The following ILRUN variants were observed in gnomAD, a reference collection of about 807,000 sequenced individuals.
ILRUN encodes protein ILRUN.
ILRUN carries 3 observed loss-of-function variants against 33.8 expected under a neutral mutation model. That is an observed-to-expected ratio of 0.09 (90% confidence interval 0.04 to 0.23). The LOEUF is 0.23. ILRUN is among the 10% of genes least tolerant of loss of function. The probability of loss-of-function intolerance (pLI) is 1.00; values close to 1 mark genes in which losing one functional copy is unlikely to be tolerated. For missense variants in ILRUN, 210 were observed against 375.1 expected (o/e 0.56, Z 3.64); for synonymous variants, 124 against 138.9 (o/e 0.89, Z 0.75).
rs145294670 is a variant in ILRUN, at chr6:34,654,784, AG to A, written c.159-6del. 169,634 of 1,610,810 alleles carry A rather than the reference AG, an allele frequency of 0.11. 10,196 individuals are homozygous for A. Among genetic ancestry groups the A allele is most frequent in the Non-Finnish European group, 0.12 (137,534 of 1,178,792 alleles). ...CCAATTGCTGCTTGTAGGTTCCTAT[AG>A]AAAAAGAGAAAAGGCAACAGACTTC... On this transcript the variant is annotated splice_polypyrimidine_tract_variant and splice_region_variant and intron_variant, in intron 1 of 4. Coordinates refer to ENST00000374023, the MANE Select transcript of ILRUN (RefSeq NM_024294.4).
At chr6:34,625,373 A>T (rs982257729) in intron 3 of ILRUN, among the ~76,000 whole-genome samples, 3 of 152,166 alleles carry the variant, frequency 2.0e-5, no homozygotes, top group African/African-American at 7.2e-5. Context: ...AGGTCTATCA[A>T]CATCTCTCAT....
intron 3 of ILRUN, among the ~76,000 whole-genome samples, chr6:34,621,388 T>C (rs1762009596): frequency 6.6e-6 from 1 of 152,174 alleles, no homozygotes; most frequent in Admixed American, 6.5e-5. Context: ...ATTTAGGCAA[T>C]CATCACAAAT....
intron 3 of ILRUN, among the ~76,000 whole-genome samples, chr6:34,644,609 A>T (rs1273774541): frequency 6.6e-6 from 1 of 152,186 alleles, no homozygotes; most frequent in Non-Finnish European, 1.5e-5. Context: ...ATACGTGATT[A>T]TTCAATTATT....
intron 1 of ILRUN, chr6:34,671,862 A>G (rs1392285998): frequency 1.3e-5 from 2 of 152,292 alleles, no homozygotes; most frequent in Non-Finnish European, 2.9e-5. Context: ...TTCCTTAGCC[A>G]GCAGTGGGAA....
intron 1 of ILRUN, among the ~76,000 whole-genome samples, chr6:34,693,882 G>C (rs1299814053): frequency 6.6e-6 from 1 of 151,752 alleles, no homozygotes; most frequent in Non-Finnish European, 1.5e-5. Flanking sequence ...AGAGTGCAAT[G>C]GTGCGATTTC....
intron 1 of ILRUN, among the ~76,000 whole-genome samples, chr6:34,659,452 T>C (rs1762843342): frequency 6.6e-6 from 1 of 152,120 alleles, no homozygotes; most frequent in Non-Finnish European, 1.5e-5. Context: ...TTTCCAATTA[T>C]ATAACACTCT....
rs1274147806 is a variant in ILRUN, at chr6:34,587,438, G to A, written c.*3127C>T. 1.3e-5 allele frequency: 2 copies of A among 152,654 alleles called. No homozygotes were observed. The highest frequency in any genetic ancestry group is 2.9e-5 in the Non-Finnish European group (2 of 68,050). The allele number at this position is 152,654 out of a possible 1,614,324, so 9.5% of individuals were successfully genotyped here. On this transcript the variant is annotated 3_prime_UTR_variant, in exon 5 of 5. Transcript: ENST00000374023. ...ACACACACCACTGTCCAGGTGGGAA[G>A]GGCAGCCACTGCTGCTCCTGCATTC...
chr6:34,653,302 C>T (rs1762707673), intron 2 of ILRUN, among the ~76,000 whole-genome samples: 1 of 151,990 alleles, frequency 6.6e-6, no homozygotes, highest in Non-Finnish European at 1.5e-5. Context: ...ATGATTTCAG[C>T]TCACTGCAAC....
intron 3 of ILRUN, among the ~76,000 whole-genome samples, chr6:34,616,231 G>A (rs1415272310): frequency 6.6e-6 from 1 of 152,216 alleles, no homozygotes; most frequent in Non-Finnish European, 1.5e-5. Context: ...CCTGGTGAAG[G>A]TCAACAGGAA....
chr6:34,683,540 G>C (rs1269085200), intron 1 of ILRUN, among the ~76,000 whole-genome samples: 3 of 134,644 alleles, frequency 2.2e-5, no homozygotes, highest in Admixed American at 7.7e-5. Flanking sequence ...ATATTGCACA[G>C]AATATTCTGT....
At chr6:34,650,349 C>T (rs1762635846) in intron 2 of ILRUN, among the ~76,000 whole-genome samples, 2 of 151,960 alleles carry the variant, frequency 1.3e-5, no homozygotes, top group Non-Finnish European at 2.9e-5. Context: ...AGTTCTGCTT[C>T]TGCAAATCTA....
intron 3 of ILRUN, among the ~76,000 whole-genome samples, chr6:34,634,768 G>T (rs1762321099): frequency 1.3e-5 from 2 of 152,144 alleles, no homozygotes; most frequent in Non-Finnish European, 2.9e-5. Context: ...CTATAACTAT[G>T]AAAATAAGTT....
chr6:34,683,471 TACACATATATATATAC>T (rs1763434697), intron 1 of ILRUN, among the ~76,000 whole-genome samples: 8 of 113,074 alleles, frequency 7.1e-5, no homozygotes, highest in African/African-American at 2.6e-4. Context: ...TACATATATA[TACACATATATATATAC>T]ATATATATAT....
rs1413721657 is a variant in ILRUN at position 34,617,076 on chromosome 6, A to T, written c.512-10172T>A. On this transcript the variant is annotated intron_variant, in intron 3 of 4. Transcript: ENST00000374023. ...GGTAAATATGGCATCACCTGCATGG[A>T]GGATCTGATCATGAGATCTATACTG... The T allele has an allele frequency of 1.3e-5, 7 of 532,096 alleles. No individual in the cohort carries two copies. The Admixed American group carries it at 1.4e-4, about 10-fold the overall frequency. The allele number at this position is 532,096 out of a possible 1,614,324, so 33.0% of individuals were successfully genotyped here. A position where few individuals can be genotyped will look rare whatever the true frequency, so the allele number is the denominator to read the frequency against.
At chr6:34,683,471 TACAC>T (rs767007617) in intron 1 of ILRUN, among the ~76,000 whole-genome samples, 20,769 of 112,874 alleles carry the variant, frequency 0.18, 2,667 homozygotes, top group African/African-American at 0.39. Context: ...TACATATATA[TACAC>T]ATATATATAT....
intron 1 of ILRUN, among the ~76,000 whole-genome samples, chr6:34,666,269 T>G (rs550280002): frequency 1.3e-5 from 2 of 152,226 alleles, no homozygotes; most frequent in South Asian, 4.1e-4. Flanking sequence ...TTTAAAAAGC[T>G]ATATACTTGG....
At chr6:34,681,349 G>GC (rs544810953) in intron 1 of ILRUN, among the ~76,000 whole-genome samples, 424 of 152,112 alleles carry the variant, frequency 2.8e-3, no homozygotes, top group Middle Eastern at 6.8e-3. Context: ...GGAATAAACT[G>GC]CCCCCCCTCC....
chr6:34,649,343 G>C (rs1762616166), intron 2 of ILRUN, among the ~76,000 whole-genome samples: 1 of 152,174 alleles, frequency 6.6e-6, no homozygotes, highest in South Asian at 2.1e-4. Context: ...TGAAATCTGA[G>C]TTCGAGAAGT....
chr6:34,620,813 A>G (rs1038913763), intron 3 of ILRUN, among the ~76,000 whole-genome samples: 1 of 152,236 alleles, frequency 6.6e-6, no homozygotes, highest in South Asian at 2.1e-4. Context: ...TGGATGATAA[A>G]GTGAGACCCT....
Sources: gnomAD v4.1 joint callset for allele counts (sites outside exome capture counted in the v4.1 genomes callset) on GRCh38, gnomAD v4.1.1 for gene constraint, MANE v1.5 for transcripts, NCBI Gene and HGNC (gene_info 2026-07-23, HGNC 2026-07-21) for gene names.